The following PEAK1 variants were observed in gnomAD, a reference collection of about 807,000 sequenced individuals.
PEAK1 encodes pseudopodium enriched atypical kinase 1, also known as inactive tyrosine-protein kinase PEAK1.
PEAK1 carries 54 observed loss-of-function variants against 124.7 expected under a neutral mutation model. That is an observed-to-expected ratio of 0.43 (90% confidence interval 0.35 to 0.54). PEAK1 has a LOEUF of 0.54. Among genes scored for constraint, PEAK1 ranks in the 20% least tolerant of loss-of-function variants. PEAK1 has a pLI of 0.01. For missense variants in PEAK1, 2,046 were observed against 2,134.5 expected, an observed-to-expected ratio of 0.96 and a Z score of 0.82; for synonymous variants, 719 against 760.0, an observed-to-expected ratio of 0.95 and a Z score of 0.89.
chr15:77,286,821 C>T (rs2062954645), intron 2 of PEAK1, among the ~76,000 whole-genome samples: 2 of 152,104 alleles, frequency 1.3e-5, no homozygotes, highest in African/African-American at 2.4e-5. Flanking sequence ...TCAGGGGTTG[C>T]ATGAAACAGT....
rs200543732 is a variant in PEAK1 at position 77,313,631 on chromosome 15, AATGTATGT to A, written c.-602-27135_-602-27128del. 2.1e-4 allele frequency among the ~76,000 whole-genome samples: 26 copies of A among 124,230 alleles called. 1 individual carries two copies. Among genetic ancestry groups the A allele is most frequent in the South Asian group, 5.1e-4 (2 of 3,940 alleles). 81.5% of individuals were successfully genotyped at this position (124,230 alleles called of 152,430 possible). A position where few individuals can be genotyped will look rare whatever the true frequency, so the allele number is the denominator to read the frequency against. The stretch of plus-strand genomic sequence containing the variant: ...ACAGGCATGCACCACCATGCCCAGT[AATGTATGT>A]ATGTATGTATGTATGTGTGTGTGTG... On this transcript the variant is annotated intron_variant, in intron 2 of 9. Transcript: ENST00000682557.
intron 2 of PEAK1, among the ~76,000 whole-genome samples, chr15:77,328,486 C>A (rs1329869428): frequency 6.6e-6 from 1 of 151,826 alleles, no homozygotes; most frequent in Non-Finnish European, 1.5e-5. Context: ...AGGTTCTATT[C>A]GATAAAGAAG....
chr15:77,265,980 A>T (rs2061703131), intron 5 of PEAK1, among the ~76,000 whole-genome samples: 2 of 152,230 alleles, frequency 1.3e-5, no homozygotes, highest in Admixed American at 1.3e-4. Context: ...ATTGGAAATC[A>T]TCATTCTCAG....
chr15:77,358,407 C>T (rs568200392), intron 2 of PEAK1, among the ~76,000 whole-genome samples: 1 of 152,270 alleles, frequency 6.6e-6, no homozygotes, highest in Admixed American at 6.5e-5. Context: ...CCTCTGTCTC[C>T]ACTGCTACTA....
intron 6 of PEAK1, among the ~76,000 whole-genome samples, chr15:77,229,844 A>G (rs575075274): frequency 6.6e-6 from 1 of 151,764 alleles, no homozygotes; most frequent in East Asian, 1.9e-4. Context: ...ACGGGGTTTC[A>G]CCATGTTGGT....
intron 3 of PEAK1, among the ~76,000 whole-genome samples, chr15:77,286,014 A>C (rs1395236148): frequency 6.6e-6 from 1 of 152,114 alleles, no homozygotes; most frequent in Non-Finnish European, 1.5e-5. Context: ...TTCCCTCTAT[A>C]CACTGCTTTA....
At chr15:77,149,754 C>T (rs2054442748) in intron 8 of PEAK1, among the ~76,000 whole-genome samples, 1 of 144,916 alleles carries the variant, frequency 6.9e-6, no homozygotes, top group African/African-American at 2.5e-5. Context: ...ATTGGCATCA[C>T]TTTTTTTTTT....
At chr15:77,218,484 ATTATTCATTTTATTTATTTAGTT>A (rs1272014947) in intron 6 of PEAK1, among the ~76,000 whole-genome samples, 6 of 151,530 alleles carry the variant, frequency 4.0e-5, no homozygotes, top group African/African-American at 1.5e-4. Context: ...GGATGATTTT[ATTATTCATTTTATTTATTTAGTT>A]AGCTAACATT....
intron 5 of PEAK1, among the ~76,000 whole-genome samples, chr15:77,257,676 T>C (rs2061227102): frequency 6.6e-6 from 1 of 151,850 alleles, no homozygotes; most frequent in South Asian, 2.1e-4. Context: ...ATTTTGTAGG[T>C]TGCCTGTTCA....
At position 77,133,142 on chromosome 15, in the gene PEAK1, T is replaced by C. The variant is rs752489300; in HGVS notation, c.3940A>G (p.Lys1314Glu). The C allele has an allele frequency of 6.2e-7, 1 of 1,614,236 alleles. No homozygotes were observed. The highest frequency in any genetic ancestry group is 8.5e-7 in the Non-Finnish European group (1 of 1,180,046). ...KCEDLFMAGQKDQLRFGVDSW... is the reference protein window; with the variant it reads ...KCEDLFMAGQEDQLRFGVDSW... ...TCCACTCCAAAACGGAGCTGGTCTT[T>C]CTGCCCAGCCATGAAAAGGTCTTCG... The change falls in exon 9 of 10, where the codon AAA (lysine) becomes GAA (glutamate). Residue 1314 changes from lysine (K) to glutamate (E), a missense_variant. By Grantham distance (56) the Lys-to-Glu change is moderately conservative. Coordinates refer to ENST00000682557, the MANE Select transcript of PEAK1 (RefSeq NM_001385026.1). This position sits in a 1 kb window ranked among gnomAD's most constrained non-coding sequence, Gnocchi z 4.2.
chr15:77,333,815 A>G (rs761387250), intron 2 of PEAK1: 24 of 777,362 alleles, frequency 3.1e-5, no homozygotes, highest in South Asian at 5.9e-5. Flanking sequence ...ATTTATAAAA[A>G]TCTTCTAATA....
chr15:77,124,003 G>C (rs762672944), intron 9 of PEAK1, among the ~76,000 whole-genome samples: 1 of 152,188 alleles, frequency 6.6e-6, no homozygotes, highest in Non-Finnish European at 1.5e-5. Flanking sequence ...TTAAAAAGTA[G>C]GCTGTGCTCA....
Position 77,113,408 on chromosome 15 carries a change from G to GT in PEAK1, c.*747dup, listed in dbSNP as rs1463675291. 1 of 152,456 alleles carries GT rather than the reference G, an allele frequency of 6.6e-6. No homozygotes were observed. Among genetic ancestry groups the GT allele is most frequent in the Non-Finnish European group, 1.5e-5 (1 of 68,224 alleles). The allele number at this position is 152,456 out of a possible 1,614,324, so 9.4% of individuals were successfully genotyped here. A position where few individuals can be genotyped will look rare whatever the true frequency, so the allele number is the denominator to read the frequency against. On this transcript the variant is annotated 3_prime_UTR_variant, in exon 10 of 10. Transcript: ENST00000682557. ...GGTGACACCACCTTGGGTCAGCTCT[G>GT]TAATGGGCCACAAGTGGCTGATAAA...
In PEAK1 at chr15:77,142,169, A is replaced by G. The variant is rs140036899; in HGVS notation, c.3332-8419T>C. 3.2e-3 allele frequency among the ~76,000 whole-genome samples: 480 copies of G among 152,344 alleles called. 3 individuals are homozygous for G. Among genetic ancestry groups the G allele is most frequent in the African/African-American group, 0.011 (456 of 41,582 alleles). ...TAACCCAAGTAAAAATGGGTAAAAG[A>G]TTTGCATAGCTATTTCTTCAAAGAA... is the stretch of plus-strand genomic sequence containing the variant. On this transcript the variant is annotated intron_variant, in intron 8 of 9. Coordinates refer to ENST00000682557, the MANE Select transcript of PEAK1 (RefSeq NM_001385026.1).
chr15:77,372,741 C>T (rs1417439761), intron 1 of PEAK1, among the ~76,000 whole-genome samples: 1 of 152,128 alleles, frequency 6.6e-6, no homozygotes, highest in Non-Finnish European at 1.5e-5. Flanking sequence ...GGAGGTGGGG[C>T]CTGGTGGGAG....
intron 1 of PEAK1, chr15:77,417,560 G>T: frequency 4.1e-6 from 4 of 985,322 alleles, no homozygotes; most frequent in Non-Finnish European, 4.8e-6. Flanking sequence ...TGAAAACAGG[G>T]ATTTGCAACA....
At chr15:77,107,540 T>C (rs2050768450), downstream of PEAK1, 1 of 152,266 alleles carries the variant, frequency 6.6e-6, no homozygotes, top group African/African-American at 2.4e-5. Context: ...ATTTAGGATC[T>C]ACATGTTTGC....
intron 1 of PEAK1, among the ~76,000 whole-genome samples, chr15:77,414,408 G>T (rs1296802214): frequency 6.8e-6 from 1 of 146,268 alleles, no homozygotes; most frequent in Non-Finnish European, 1.5e-5. Context: ...TTTTGTAAGC[G>T]ACGGGGTTTC....
intron 2 of PEAK1, among the ~76,000 whole-genome samples, chr15:77,321,046 A>T (rs1283443480): frequency 5.3e-5 from 8 of 152,052 alleles, no homozygotes; most frequent in Non-Finnish European, 1.5e-5. Context: ...CATTTTCTTA[A>T]TCCAGTCTGT....
Sources: gnomAD v4.1 joint callset for allele counts (sites outside exome capture counted in the v4.1 genomes callset) on GRCh38, gnomAD v4.1.1 for gene constraint, Gnocchi (gnomAD v3.1) non-coding constraint, MANE v1.5 for transcripts, NCBI Gene and HGNC (gene_info 2026-07-23, HGNC 2026-07-21) for gene names.